The following CADPS variants were observed in gnomAD, a reference collection of about 807,000 sequenced individuals.
The protein encoded by CADPS is calcium dependent secretion activator.
CADPS carries 57 observed loss-of-function variants against 167.3 expected under a neutral mutation model. The ratio of observed to expected loss-of-function variants is 0.34; its 90% confidence interval spans 0.28 to 0.42. The LOEUF is 0.42. Ranked by LOEUF, CADPS falls within the 20% of genes least tolerant of loss-of-function variation. The pLI is 1.00. For synonymous variants in CADPS, 676 were observed against 635.3 expected, an observed-to-expected ratio of 1.06 and a Z score of -0.96; for missense variants, 1,414 against 1,738.1, an observed-to-expected ratio of 0.81 and a Z score of 3.32.
In CADPS at chr3:62,650,919, G is replaced by T. The variant is rs146647854; in HGVS notation, c.1131C>A (p.Ser377=). The change falls in exon 5 of 30, where the codon TCC becomes TCA. Residue 377 remains serine (S), a synonymous_variant. Transcript: ENST00000383710. ...LQKLKRSHNA[S]IIDMGEESEN... ...CACTCTCCTCGCCCATGTCGATGAT[G>T]GAAGCATTGTGGCTGCGTTTGAGTT... 8.9e-4 allele frequency: 1,444 copies of T among 1,614,106 alleles called. No homozygotes were observed. Among genetic ancestry groups the T allele is most frequent in the Non-Finnish European group, 1.1e-3 (1,349 of 1,179,986 alleles).
intron 13 of CADPS, among the ~76,000 whole-genome samples, chr3:62,528,454 T>C (rs2072849135): frequency 6.6e-6 from 1 of 152,208 alleles, no homozygotes; most frequent in Non-Finnish European, 1.5e-5. Context: ...TAAATGGTAG[T>C]GATTATCCTT....
intron 24 of CADPS, among the ~76,000 whole-genome samples, chr3:62,471,853 A>C (rs1160438820): frequency 6.6e-5 from 10 of 152,202 alleles, no homozygotes; most frequent in Non-Finnish European, 1.5e-4. Flanking sequence ...AACCCACAGA[A>C]TGGGAGAAAA....
intron 2 of CADPS, among the ~76,000 whole-genome samples, chr3:62,758,542 T>C (rs553886261): frequency 1.3e-5 from 2 of 152,338 alleles, no homozygotes; most frequent in South Asian, 4.1e-4. Flanking sequence ...TAAGTACTGA[T>C]GTGCCTGTGT....
intron 28 of CADPS, among the ~76,000 whole-genome samples, chr3:62,408,257 A>C (rs926564847): frequency 6.6e-6 from 1 of 152,214 alleles, no homozygotes; most frequent in Non-Finnish European, 1.5e-5. Context: ...AGGGTTGTAC[A>C]AGTGCAGGAT....
intron 13 of CADPS, among the ~76,000 whole-genome samples, chr3:62,526,117 G>A (rs1469988920): frequency 6.6e-6 from 1 of 152,124 alleles, no homozygotes; most frequent in Non-Finnish European, 1.5e-5. Flanking sequence ...AGGAATCCTG[G>A]CAGAGTAACA....
chr3:62,417,557 T>C (rs1224962378), intron 28 of CADPS, among the ~76,000 whole-genome samples: 1 of 152,052 alleles, frequency 6.6e-6, no homozygotes, highest in East Asian at 1.9e-4. Context: ...AGTGTTGGGA[T>C]TAAAGGCGTG....
chr3:62,402,015 G>A (rs1276947811), intron 29 of CADPS, among the ~76,000 whole-genome samples: 1 of 152,194 alleles, frequency 6.6e-6, no homozygotes, highest in Non-Finnish European at 1.5e-5. Context: ...AAAAAAATGT[G>A]AAAATGAGGC....
At chr3:62,668,055 A>G (rs2074802457) in intron 3 of CADPS, among the ~76,000 whole-genome samples, 1 of 152,178 alleles carries the variant, frequency 6.6e-6, no homozygotes, top group Admixed American at 6.5e-5. Context: ...AACGATGATA[A>G]GGAGGCAACT....
intron 3 of CADPS, among the ~76,000 whole-genome samples, chr3:62,729,166 TA>T (rs2077280878): frequency 6.6e-6 from 1 of 151,888 alleles, no homozygotes; most frequent in South Asian, 2.1e-4. Flanking sequence ...CTACCTGATT[TA>T]GTGTGTCAGT....
At chr3:62,713,724 TG>T (rs1336502154) in intron 3 of CADPS, among the ~76,000 whole-genome samples, 1 of 152,156 alleles carries the variant, frequency 6.6e-6, no homozygotes, top group Non-Finnish European at 1.5e-5. Context: ...GCCTCAGTTT[TG>T]GGGCTCGCCT....
At chr3:62,623,443 C>T (rs1272918905) in intron 6 of CADPS, among the ~76,000 whole-genome samples, 1 of 152,110 alleles carries the variant, frequency 6.6e-6, no homozygotes, top group African/African-American at 2.4e-5. Context: ...ATACACAATC[C>T]CTCCATTTCC....
intron 13 of CADPS, among the ~76,000 whole-genome samples, chr3:62,529,680 C>T (rs1225262559): frequency 6.6e-6 from 1 of 152,198 alleles, no homozygotes; most frequent in East Asian, 1.9e-4. Flanking sequence ...CCCGCATATA[C>T]TGATTGACAG....
intron 1 of CADPS, among the ~76,000 whole-genome samples, chr3:62,799,359 A>G (rs1387984064): frequency 6.6e-6 from 1 of 152,120 alleles, no homozygotes; most frequent in Non-Finnish European, 1.5e-5. Flanking sequence ...GAGGCAGACT[A>G]CCTAGATTCA....
At chr3:62,571,718 C>A (rs1031632057) in intron 8 of CADPS, among the ~76,000 whole-genome samples, 1 of 152,022 alleles carries the variant, frequency 6.6e-6, no homozygotes, top group Non-Finnish European at 1.5e-5. Flanking sequence ...GCATGCGCCA[C>A]CATGCTTGGC....
intron 21 of CADPS, among the ~76,000 whole-genome samples, chr3:62,483,099 G>C (rs1427183727): frequency 6.6e-6 from 1 of 152,008 alleles, no homozygotes; most frequent in East Asian, 1.9e-4. Flanking sequence ...TGGCACGGTA[G>C]AGCCCAGCCT....
At chr3:62,467,359 G>A (rs1401612483) in intron 24 of CADPS, 2 of 1,139,780 alleles carry the variant, frequency 1.8e-6, no homozygotes, top group Non-Finnish European at 2.3e-6. Context: ...AAGGAACAGT[G>A]CAAATACAAA....
At chr3:62,835,014 A>C (rs1236291123) in intron 1 of CADPS, among the ~76,000 whole-genome samples, 2 of 152,192 alleles carry the variant, frequency 1.3e-5, no homozygotes, top group African/African-American at 4.8e-5. Context: ...TATTTAAAGG[A>C]GCAGATTCAT....
At chr3:62,827,183 G>A (rs1457215622) in intron 1 of CADPS, among the ~76,000 whole-genome samples, 1 of 152,092 alleles carries the variant, frequency 6.6e-6, no homozygotes, top group Non-Finnish European at 1.5e-5. Context: ...TCCCATAGCT[G>A]GAAATACAAT....
At chr3:62,864,303 T>C (rs2081311367) in intron 1 of CADPS, among the ~76,000 whole-genome samples, 1 of 152,080 alleles carries the variant, frequency 6.6e-6, no homozygotes, top group Non-Finnish European at 1.5e-5. Context: ...AAATTTTAAG[T>C]GTAGAGATGT....
Sources: gnomAD v4.1 joint callset for allele counts (sites outside exome capture counted in the v4.1 genomes callset) on GRCh38, gnomAD v4.1.1 for gene constraint, MANE v1.5 for transcripts, NCBI Gene and HGNC (gene_info 2026-07-23, HGNC 2026-07-21) for gene names.